The following TF variants were observed in gnomAD, a reference collection of about 807,000 sequenced individuals.
TF encodes the protein serotransferrin.
Under a neutral mutation model 82.4 loss-of-function variants are expected in TF, and 55 were observed. The ratio of observed to expected loss-of-function variants is 0.67; its 90% CI spans 0.54 to 0.84. The LOEUF (loss-of-function observed/expected upper bound fraction) is 0.84, where lower values mean the gene tolerates loss of function less well. TF is among the 40% of genes least tolerant of loss of function. TF has a pLI of 0.00. For missense variants in TF, 737 were observed against 868.4 expected (o/e 0.85, Z 1.90); for synonymous variants, 332 against 332.6 (o/e 1.00, Z 0.02).
the TF span, among the ~76,000 whole-genome samples, chr3:133,721,442 GA>G: frequency 1.3e-5 from 2 of 152,114 alleles, no homozygotes; most frequent in African/African-American, 4.8e-5. Flanking sequence ...ATTGTGGTTA[GA>G]AAAAATACTT....
At chr3:133,707,920 G>A in the TF span, among the ~76,000 whole-genome samples, 1 of 152,062 alleles carries the variant, frequency 6.6e-6, no homozygotes, top group Admixed American at 6.5e-5. Flanking sequence ...AATGCAGTAA[G>A]ATAAGAAAAA....
the TF span, among the ~76,000 whole-genome samples, chr3:133,675,715 G>A: frequency 6.6e-6 from 1 of 152,176 alleles, no homozygotes; most frequent in Non-Finnish European, 1.5e-5. Flanking sequence ...CAGCAGCCAG[G>A]CTTGCGAAGA....
chr3:133,680,337 T>C, the TF span, among the ~76,000 whole-genome samples: 6 of 151,834 alleles, frequency 4.0e-5, no homozygotes, highest in Admixed American at 1.3e-4. Flanking sequence ...TCCTGAGTAG[T>C]TGGAACTACA....
the TF span, among the ~76,000 whole-genome samples, chr3:133,723,944 T>C: frequency 6.6e-6 from 1 of 152,118 alleles, no homozygotes; most frequent in Non-Finnish European, 1.5e-5. Flanking sequence ...CTGAGAATGA[T>C]GATTTCCAAT....
the TF span, among the ~76,000 whole-genome samples, chr3:133,713,317 T>C: frequency 6.6e-6 from 1 of 152,208 alleles, no homozygotes; most frequent in Non-Finnish European, 1.5e-5. Flanking sequence ...GTTGTTGGGC[T>C]CTCAATGCAA....
the TF span, among the ~76,000 whole-genome samples, chr3:133,719,050 C>T: frequency 5.6e-4 from 85 of 152,280 alleles, no homozygotes; most frequent in African/African-American, 2.0e-3. Context: ...AGTGTCATAA[C>T]ACTGATTTTG....
rs1934803634 is a variant in TF at position 133,790,454 on chromosome 3, A to G, written c.*11834A>G. The G allele has an allele frequency of 6.6e-6, 1 of 152,234 alleles. No homozygotes were observed. Among genetic ancestry groups the G allele is most frequent in the Non-Finnish European group, 1.5e-5 (1 of 68,034 alleles). 9.4% of individuals were successfully genotyped at this position (152,234 alleles called of 1,614,324 possible). A position where few individuals can be genotyped will look rare whatever the true frequency, so the allele number is the denominator to read the frequency against. ...TTATCTAAAAGTTAGTTCAAATTAC[A>G]GATTTGAAAAGGTTACTTATGAAAC... On this transcript the variant is annotated 3_prime_UTR_variant, in exon 17 of 17. Coordinates refer to ENST00000402696, the MANE Select transcript of TF (RefSeq NM_001063.4).
At chr3:133,716,527 A>T in the TF span, among the ~76,000 whole-genome samples, 1 of 152,154 alleles carries the variant, frequency 6.6e-6, no homozygotes, top group Non-Finnish European at 1.5e-5. Context: ...TTCTCAAGGT[A>T]TCCAGAATCG....
the TF span, among the ~76,000 whole-genome samples, chr3:133,734,115 G>A: frequency 6.6e-6 from 1 of 152,156 alleles, no homozygotes; most frequent in Non-Finnish European, 1.5e-5. Flanking sequence ...TGTTCAGTTG[G>A]AATTGAGGGA....
At chr3:133,739,612 T>A in the TF span, among the ~76,000 whole-genome samples, 3 of 150,954 alleles carry the variant, frequency 2.0e-5, no homozygotes, top group Non-Finnish European at 2.9e-5. Flanking sequence ...CATAAACAAA[T>A]TTACAAGAAA....
chr3:133,746,274 G>A (rs867233581), upstream of TF: 17 of 734,086 alleles, frequency 2.3e-5, no homozygotes, highest in Middle Eastern at 1.3e-3. Context: ...GAGTAAGGAA[G>A]GGGGGTTGGG....
At position 133,794,613 on chromosome 3, in the gene TF, C is replaced by T. The variant is rs919815027; in HGVS notation, c.*15993C>T. ...TTGGATAAAGACTGTCCTTGCCATC[C>T]ACACTACAGCAAAACTTCTGGACTT... On this transcript the variant is annotated 3_prime_UTR_variant, in exon 17 of 17. Transcript: ENST00000402696. The T allele has an allele frequency of 1.3e-5, 2 of 152,210 alleles. No individual in the cohort carries two copies. Among genetic ancestry groups the T allele is most frequent in the African/African-American group, 2.4e-5 (1 of 41,448 alleles). 9.4% of individuals were successfully genotyped at this position (152,210 alleles called of 1,614,324 possible).
At chr3:133,754,111 C>T (rs1442597564) in intron 3 of TF, 3 of 416,050 alleles carry the variant, frequency 7.2e-6, no homozygotes, top group Middle Eastern at 7.2e-4. Flanking sequence ...CTGAGATCAA[C>T]CTGACTGTCT....
chr3:133,758,087 G>T, intron 8 of TF, 141 bp downstream of exon 8: 1 of 739,572 alleles, frequency 1.4e-6, no homozygotes, highest in Admixed American at 2.6e-5. Context: ...CCCAGTGTTA[G>T]ACTGATGCTG....
chr3:133,721,007 G>A, the TF span, among the ~76,000 whole-genome samples: 3 of 151,768 alleles, frequency 2.0e-5, no homozygotes, highest in Admixed American at 2.0e-4. Context: ...TTAGCTAAAG[G>A]TTTCTCAATT....
At chr3:133,721,318 T>A in the TF span, among the ~76,000 whole-genome samples, 1,590 of 152,306 alleles carry the variant, frequency 0.01, 27 homozygotes, top group African/African-American at 0.036. Flanking sequence ...AAGGAATTTT[T>A]AAATTTTCCT....
At chr3:133,730,461 G>C in the TF span, among the ~76,000 whole-genome samples, 1 of 152,184 alleles carries the variant, frequency 6.6e-6, no homozygotes, top group Non-Finnish European at 1.5e-5. Flanking sequence ...TGGTGGGCTT[G>C]TGGTTCTACC....
At position 133,777,078 on chromosome 3, in the gene TF, C is replaced by T; in HGVS notation, c.1902C>T (p.Cys634=). The change falls in exon 16 of 17, where the codon TGC becomes TGT. Residue 634 remains cysteine (C), a synonymous_variant. Coordinates refer to ENST00000402696, the MANE Select transcript of TF (RefSeq NM_001063.4). Reference sequence around the variant, plus strand: ...TATTTGGAAGCAACGTAACTGACTGCTCGGGCAACTTTTGTTTGTTCCGGT... The same window carrying T: ...TATTTGGAAGCAACGTAACTGACTGTTCGGGCAACTTTTGTTTGTTCCGGT... The part of the protein sequence containing the change: ...QHLFGSNVTD[C]SGNFCLFRSE... 3 of 1,614,190 alleles carry T rather than the reference C, an allele frequency of 1.9e-6. No homozygotes were observed. Among genetic ancestry groups the T allele is most frequent in the Non-Finnish European group, 8.5e-7 (1 of 1,180,038 alleles).
chr3:133,719,501 G>A, the TF span, among the ~76,000 whole-genome samples: 3 of 152,084 alleles, frequency 2.0e-5, no homozygotes, highest in Admixed American at 6.6e-5. Flanking sequence ...TGTTCCTTGT[G>A]GTGTCTCCCT....
Sources: allele counts gnomAD v4.1 joint callset (sites outside exome capture counted in the v4.1 genomes callset), GRCh38; gene constraint gnomAD v4.1.1; transcripts MANE v1.5; gene names NCBI Gene and HGNC (gene_info 2026-07-23, HGNC 2026-07-21).